The following LRMDA variants were observed in gnomAD, a reference collection of about 807,000 sequenced individuals.
LRMDA encodes leucine-rich melanocyte differentiation-associated protein.
In LRMDA, 18 loss-of-function variants were observed where a neutral mutation model predicts 29.8. The observed-to-expected ratio is 0.60, with a 90% CI of 0.42 to 0.90. The LOEUF is 0.90. Ranked by LOEUF, LRMDA falls within the 40% of genes least tolerant of loss-of-function variation. The pLI, the probability that LRMDA is intolerant of heterozygous loss-of-function variation, is 0.00. For synonymous variants in LRMDA, 125 were observed against 109.4 expected (o/e 1.14, Z -0.89); for missense variants, 273 against 273.9 (o/e 1.00, Z 0.02).
At chr10:76,244,886 G>A (rs910868651) in intron 5 of LRMDA, among the ~76,000 whole-genome samples, 1 of 152,162 alleles carries the variant, frequency 6.6e-6, no homozygotes, top group African/African-American at 2.4e-5. Context: ...AGAACGATGA[G>A]AAAAAGAACA....
Position 75,899,563 on chromosome 10 carries a change from G to A in LRMDA, c.132-136445G>A, listed in dbSNP as rs1266647870. On this transcript the variant is annotated intron_variant, in intron 2 of 6. Coordinates refer to ENST00000611255, the MANE Select transcript of LRMDA (RefSeq NM_001305581.2). ...GTTACTGGGTGGCTGTTACATGCAAGGCCAGAATGCGGGGCCTGTGATCTA... is the reference window on the plus strand; with the variant it reads ...GTTACTGGGTGGCTGTTACATGCAAAGCCAGAATGCGGGGCCTGTGATCTA... Among the ~76,000 whole-genome samples, 3 of 152,208 alleles carry A rather than the reference G, an allele frequency of 2.0e-5. No individual in the cohort carries two copies. The South Asian group carries it at 6.2e-4, about 32-fold the overall frequency.
intron 5 of LRMDA, among the ~76,000 whole-genome samples, chr10:76,323,963 T>C (rs1379703910): frequency 6.6e-6 from 1 of 152,224 alleles, no homozygotes; most frequent in East Asian, 1.9e-4. Flanking sequence ...ACTGGGCTCA[T>C]GGAAGTCAGC....
At chr10:75,650,332 G>A (rs1841581714) in intron 2 of LRMDA, among the ~76,000 whole-genome samples, 2 of 152,164 alleles carry the variant, frequency 1.3e-5, no homozygotes, top group African/African-American at 4.8e-5. Flanking sequence ...CACTTTTTTG[G>A]CATGTGGATG....
intron 5 of LRMDA, among the ~76,000 whole-genome samples, chr10:76,135,242 A>G (rs573626766): frequency 8.7e-4 from 133 of 152,366 alleles, no homozygotes; most frequent in Non-Finnish European, 1.5e-3. Flanking sequence ...CAGATCATCC[A>G]TAGTGCGTCT....
chr10:75,477,557 T>C (rs768369659), intron 2 of LRMDA, among the ~76,000 whole-genome samples: 77 of 152,244 alleles, frequency 5.1e-4, no homozygotes, highest in Non-Finnish European at 9.0e-4. Context: ...CTTAACTCTG[T>C]GCATGGTTGC....
At chr10:75,527,786 A>G (rs867412843) in intron 2 of LRMDA, among the ~76,000 whole-genome samples, 5 of 148,196 alleles carry the variant, frequency 3.4e-5, no homozygotes, top group Non-Finnish European at 5.9e-5. Flanking sequence ...ATGTAATTAT[A>G]TATTATATAT....
At chr10:76,117,664 A>G (rs1394888813) in intron 5 of LRMDA, among the ~76,000 whole-genome samples, 2 of 152,216 alleles carry the variant, frequency 1.3e-5, no homozygotes, top group Admixed American at 6.5e-5. Flanking sequence ...ATAAAATACA[A>G]CCAAGATGAG....
chr10:76,480,294 A>G (rs1374189719), intron 6 of LRMDA, among the ~76,000 whole-genome samples: 1 of 151,950 alleles, frequency 6.6e-6, no homozygotes, highest in African/African-American at 2.4e-5. Flanking sequence ...ATACTGTAGT[A>G]AGCCCCTAAG....
chr10:75,771,397 G>A (rs1457190340), intron 2 of LRMDA, among the ~76,000 whole-genome samples: 1 of 152,124 alleles, frequency 6.6e-6, no homozygotes, highest in Non-Finnish European at 1.5e-5. Context: ...TTGCAAGAGA[G>A]GACATTTATG....
chr10:76,502,528 T>G (rs547888702), intron 6 of LRMDA, among the ~76,000 whole-genome samples: 37 of 152,142 alleles, frequency 2.4e-4, no homozygotes, highest in Non-Finnish European at 4.1e-4. Flanking sequence ...TGTCTCTGAT[T>G]TCTTTCAACA....
intron 2 of LRMDA, among the ~76,000 whole-genome samples, chr10:75,699,254 C>T (rs1444697423): frequency 6.6e-6 from 1 of 150,796 alleles, no homozygotes; most frequent in African/African-American, 2.4e-5. Context: ...TAATGCCTAA[C>T]AGTACTAGAA....
At chr10:75,990,476 T>C (rs968921586) in intron 2 of LRMDA, among the ~76,000 whole-genome samples, 2 of 152,212 alleles carry the variant, frequency 1.3e-5, no homozygotes, top group African/African-American at 4.8e-5. Context: ...TATGAAAAAG[T>C]ACAGAAATTA....
At chr10:75,661,455 A>T (rs1336038814) in intron 2 of LRMDA, among the ~76,000 whole-genome samples, 1 of 152,202 alleles carries the variant, frequency 6.6e-6, no homozygotes. Flanking sequence ...TTGAGAATCT[A>T]CATCTCTAAA....
chr10:75,549,266 G>A (rs1840114643), intron 2 of LRMDA, among the ~76,000 whole-genome samples: 1 of 152,046 alleles, frequency 6.6e-6, no homozygotes, highest in Admixed American at 6.6e-5. Context: ...TGAATAAGCA[G>A]CAATAAATAT....
intron 2 of LRMDA, among the ~76,000 whole-genome samples, chr10:75,443,496 T>C (rs1029079857): frequency 6.6e-6 from 1 of 152,224 alleles, no homozygotes; most frequent in East Asian, 1.9e-4. Context: ...TCAATAAATG[T>C]GGTATATCAC....
At chr10:75,508,046 C>T (rs1214065100) in intron 2 of LRMDA, among the ~76,000 whole-genome samples, 3 of 152,182 alleles carry the variant, frequency 2.0e-5, no homozygotes, top group Admixed American at 6.5e-5. Context: ...GTAACTCTTT[C>T]GCTGTCTAGA....
intron 2 of LRMDA, among the ~76,000 whole-genome samples, chr10:75,785,183 C>G (rs1203629705): frequency 1.3e-5 from 2 of 152,228 alleles, no homozygotes; most frequent in African/African-American, 4.8e-5. Context: ...TTTAGCTCAG[C>G]TGATTGGTTG....
intron 2 of LRMDA, among the ~76,000 whole-genome samples, chr10:75,801,916 C>G (rs1843749711): frequency 6.6e-6 from 1 of 152,156 alleles, no homozygotes; most frequent in Non-Finnish European, 1.5e-5. Context: ...TTGTTGAGAG[C>G]TTCGTATGTG....
intron 6 of LRMDA, among the ~76,000 whole-genome samples, chr10:76,390,575 G>T (rs1841711511): frequency 1.3e-5 from 2 of 151,832 alleles, no homozygotes; most frequent in Admixed American, 6.6e-5. Flanking sequence ...CAGTCAGTAT[G>T]TACCTGTGTA....
Sources: allele counts gnomAD v4.1 joint callset (sites outside exome capture counted in the v4.1 genomes callset), GRCh38; gene constraint gnomAD v4.1.1; transcripts MANE v1.5; gene names NCBI Gene and HGNC (gene_info 2026-07-23, HGNC 2026-07-21).